Variants in HNRNPU observed in about 807,000 individuals in gnomAD.
The protein encoded by HNRNPU is heterogeneous nuclear ribonucleoprotein U.
HNRNPU carries 5 observed loss-of-function variants against 94.7 expected under a neutral mutation model. That is an observed-to-expected ratio of 0.05 (90% CI 0.03 to 0.11). The LOEUF (loss-of-function observed/expected upper bound fraction) is 0.11. HNRNPU is among the 10% of genes least tolerant of loss of function. The probability of loss-of-function intolerance (pLI) is 1.00; values close to 1 mark genes in which losing one functional copy is unlikely to be tolerated. For missense variants in HNRNPU, 710 were observed against 1,049.2 expected (o/e 0.68, Z 4.47); for synonymous variants, 434 against 381.6 (o/e 1.14, Z -1.60).
At chr1:244,855,738 T>C in intron 11 of HNRNPU, 130 bp from the exon 12 acceptor site, 1 of 1,276,504 alleles carries the variant, frequency 7.8e-7, no homozygotes, top group South Asian at 1.4e-5. Context: ...TGTTTAATTC[T>C]AACCATTAAC....
chr1:244,862,811 TCGA>T, intron 1 of HNRNPU, 81 bp from the exon 2 acceptor site: 2 of 943,968 alleles, frequency 2.1e-6, no homozygotes, highest in Non-Finnish European at 3.5e-6. Flanking sequence ...CCAAAGCAGC[TCGA>T]CTTTATCCTG....
rs1006914248 is a variant in HNRNPU at position 244,852,760 on chromosome 1, TAAAAC to T, written c.*1685_*1689del. Reference sequence around the variant, plus strand: ...TATTTATGATCTGATTTTAAAGGGCTAAAACAAAATTCTAAGCAATCAGAAATATA... The same window carrying T: ...TATTTATGATCTGATTTTAAAGGGCTAAAATTCTAAGCAATCAGAAATATA... On this transcript the variant is annotated 3_prime_UTR_variant, in exon 14 of 14. Coordinates refer to ENST00000640218, the MANE Select transcript of HNRNPU (RefSeq NM_031844.3). 6.6e-6 allele frequency: 1 copy of T among 152,198 alleles called. No homozygotes were observed. The highest frequency in any genetic ancestry group is 1.5e-5 in the Non-Finnish European group (1 of 67,988). 9.4% of individuals were successfully genotyped at this position (152,198 alleles called of 1,614,324 possible).
chr1:244,854,844 C>T (rs901649088), intron 13 of HNRNPU, 129 bp downstream of exon 13: 48 of 752,768 alleles, frequency 6.4e-5, no homozygotes, highest in Non-Finnish European at 7.6e-5. Flanking sequence ...TACTGCAAGA[C>T]GATTCACACT....
Position 244,854,091 on chromosome 1 carries a change from G to A in HNRNPU, c.*359C>T, listed in dbSNP as rs1223551787. 2 of 243,518 alleles carry A rather than the reference G, an allele frequency of 8.2e-6. No homozygotes were observed. Among genetic ancestry groups the A allele is most frequent in the Non-Finnish European group, 1.6e-5 (2 of 125,072 alleles). 15.1% of individuals were successfully genotyped at this position (243,518 alleles called of 1,614,324 possible). A position where few individuals can be genotyped will look rare whatever the true frequency, so the allele number is the denominator to read the frequency against. On this transcript the variant is annotated 3_prime_UTR_variant, in exon 14 of 14. Transcript: ENST00000640218. ...CAATGACTCCCGACTGTTATTCTCT[G>A]TGAGAAATGGGGGGAGTAAATTCTT...
In HNRNPU at chr1:244,854,748, ATATTAAATAAT is replaced by A. The variant is rs1213364279; in HGVS notation, c.2424+214_2424+224del. ...AAAGCTAGCAGTAAAAGAACTGTAT[ATATTAAATAAT>A]ATTACTTTATTAAAAAAATTTAACT... On this transcript the variant is annotated intron_variant, in intron 13 of 13. Coordinates refer to ENST00000640218, the MANE Select transcript of HNRNPU (RefSeq NM_031844.3). 1.8e-5 allele frequency: 9 copies of A among 511,716 alleles called. No individual in the cohort carries two copies. In the East Asian group the frequency reaches 2.7e-4, roughly 16 times the overall value. The allele number at this position is 511,716 out of a possible 1,614,324, so 31.7% of individuals were successfully genotyped here. A position where few individuals can be genotyped will look rare whatever the true frequency, so the allele number is the denominator to read the frequency against.
intron 13 of HNRNPU, 23 bp downstream of exon 13, chr1:244,854,950 A>G: frequency 6.5e-7 from 1 of 1,545,920 alleles, no homozygotes; most frequent in South Asian, 1.1e-5. Flanking sequence ...TAATGTACAT[A>G]AAGCACATAA....
At chr1:244,858,998 T>C (rs1332288830) in intron 5 of HNRNPU, 157 bp from the exon 6 acceptor site, 2 of 597,938 alleles carry the variant, frequency 3.3e-6, no homozygotes, top group Non-Finnish European at 5.9e-6. Flanking sequence ...CCAGAATTGA[T>C]GGAAGTTAGG....
chr1:244,864,044 TTCCTCC>T lies in HNRNPU; in HGVS notation c.258_263del (p.Glu93_Glu94del), dbSNP rs772147656. 20 of 1,609,498 alleles carry T rather than the reference TTCCTCC, an allele frequency of 1.2e-5. No homozygotes were observed. Among genetic ancestry groups the T allele is most frequent in the South Asian group, 4.4e-5 (4 of 90,682 alleles). ...AGATTCCTTCCTCCTCCTCTTCCTC[TTCCTCC>T]TCCTCTTCATCGCCGCCGGCCGCGG... On this transcript the variant is annotated inframe_deletion, in exon 1 of 14. Transcript: ENST00000640218.
intron 8 of HNRNPU, 45 bp from the exon 9 acceptor site, chr1:244,856,901 A>G (rs200243692): frequency 3.2e-4 from 491 of 1,516,362 alleles, no homozygotes; most frequent in Non-Finnish European, 4.1e-4. Flanking sequence ...GTGAATTTTA[A>G]TAAGTTATGC....
chr1:244,863,371 CATAATGGA>C (rs1680899927), intron 1 of HNRNPU, among the ~76,000 whole-genome samples: 1 of 150,376 alleles, frequency 6.6e-6, no homozygotes, highest in Non-Finnish European at 1.5e-5. Flanking sequence ...TCTCGAGCCA[CATAATGGA>C]GGCGCTGCCA....
Position 244,854,522 on chromosome 1 carries a change from T to G in HNRNPU, c.2425-19A>C. 2 of 1,572,264 alleles carry G rather than the reference T, an allele frequency of 1.3e-6. No individual in the cohort carries two copies. The highest frequency in any genetic ancestry group is 1.7e-6 in the Non-Finnish European group (2 of 1,143,178). ...AGAATTGCTGTAAGAGAAAATTTTGTTTTTAAAGAAAAAACATCAATAAGC... is the reference window on the plus strand; with the variant it reads ...AGAATTGCTGTAAGAGAAAATTTTGGTTTTAAAGAAAAAACATCAATAAGC... On this transcript the variant is annotated intron_variant, in intron 13 of 13. Coordinates refer to ENST00000640218, the MANE Select transcript of HNRNPU (RefSeq NM_031844.3).
intron 10 of HNRNPU, 25 bp from the exon 11 acceptor site, chr1:244,856,183 T>C (rs773728521): frequency 2.5e-6 from 4 of 1,582,182 alleles, no homozygotes; most frequent in Non-Finnish European, 3.4e-6. Flanking sequence ...GTCATATTAT[T>C]AATTTAGAAA....
rs994684386 is a variant in HNRNPU, at chr1:244,864,248, G to T, written c.60C>A (p.Leu20=). 6.2e-7 allele frequency: 1 copy of T among 1,613,382 alleles called. No individual in the cohort carries two copies. The highest frequency in any genetic ancestry group is 8.5e-7 in the Non-Finnish European group (1 of 1,179,770). Residue 20 remains leucine (L), a synonymous_variant, in exon 1 of 14, where the codon CTC becomes CTA. Transcript: ENST00000640218. ...KLKVSELKEE[L]KKRRLSDKGL... is the part of the protein sequence containing the mutation. The stretch of plus-strand genomic sequence containing the variant: ...CCTTGTCAGAAAGGCGTCGCTTCTT[G>T]AGCTCCTCTTTCAGCTCCGACACCT...
At chr1:244,856,674 C>T (rs745903392) in intron 9 of HNRNPU, 49 bp from the exon 10 acceptor site, 34 of 1,607,752 alleles carry the variant, frequency 2.1e-5, no homozygotes, top group Middle Eastern at 3.3e-4. Context: ...TAATTCTACA[C>T]CAATCTATCT....
At position 244,863,803 on chromosome 1, in the gene HNRNPU, G is replaced by T; in HGVS notation, c.505C>A (p.Gln169Lys). The change falls in exon 1 of 14, where the codon CAG becomes AAG. Residue 169 changes from glutamine (Q) to lysine (K), a missense_variant. Coordinates refer to ENST00000640218, the MANE Select transcript of HNRNPU (RefSeq NM_031844.3). ...CGCTGCTGTTGGGGCTGTTGCTGCT[G>T]CGTCGCCGGCGGTTGAGGCTGCTGC... Reference protein sequence around the residue: ...GEQQPQPPATQQQQPQQQRGA... With the variant: ...GEQQPQPPATKQQQPQQQRGA... 6.2e-7 allele frequency: 1 copy of T among 1,608,822 alleles called. No homozygotes were observed.
chr1:244,861,588 A>G (rs1680830892), intron 3 of HNRNPU: 3 of 152,228 alleles, frequency 2.0e-5, no homozygotes, highest in South Asian at 4.1e-4. Context: ...TTGTACAAGA[A>G]AACATGAGAA....
rs372228779 is a variant in HNRNPU, at chr1:244,855,583, A to G, written c.2193T>C (p.Asn731=). ...GGAPGNRGGY[N]RRGNMPQRGG... is the part of the protein sequence containing the mutation. Reference sequence around the variant, plus strand: ...CTCTCTGTGGCATGTTGCCCCTCCTATTATATCCGCCACGATTCCCAGGGG... The same window carrying G: ...CTCTCTGTGGCATGTTGCCCCTCCTGTTATATCCGCCACGATTCCCAGGGG... The change falls in exon 12 of 14, where the codon AAT becomes AAC. Residue 731 remains asparagine, a synonymous_variant. Coordinates refer to ENST00000640218, the MANE Select transcript of HNRNPU (RefSeq NM_031844.3). 3.3e-5 allele frequency: 54 copies of G among 1,613,490 alleles called. 1 individual carries two copies. The East Asian group carries it at 4.9e-4, about 15-fold the overall frequency.
rs1436328546 is a variant in HNRNPU, at chr1:244,864,385, G to A, written c.-78C>T. ...CTCGGCCACTGGTGGCGGCTGCTGCGGCTGCTCCTCGGCCCGGGCGGCGGC... is the reference window on the plus strand; with the variant it reads ...CTCGGCCACTGGTGGCGGCTGCTGCAGCTGCTCCTCGGCCCGGGCGGCGGC... On this transcript the variant is annotated 5_prime_UTR_variant, in exon 1 of 14. Transcript: ENST00000640218. The A allele has an allele frequency of 7.6e-6, 12 of 1,585,718 alleles. No homozygotes were observed. Among genetic ancestry groups the A allele is most frequent in the Non-Finnish European group, 1.0e-5 (12 of 1,170,788 alleles).
chr1:244,853,812 A>G lies in HNRNPU; in HGVS notation c.*638T>C, dbSNP rs1324347734. ...GTTTTACATTTTTAACAGCCCTTCTACATACACTCCATCTTCTCTATCTTA... is the reference window on the plus strand; with the variant it reads ...GTTTTACATTTTTAACAGCCCTTCTGCATACACTCCATCTTCTCTATCTTA... On this transcript the variant is annotated 3_prime_UTR_variant, in exon 14 of 14. Transcript: ENST00000640218. 2.6e-5 allele frequency: 4 copies of G among 152,848 alleles called. No individual in the cohort carries two copies. The highest frequency in any genetic ancestry group is 9.6e-5 in the African/African-American group (4 of 41,452). 9.5% of individuals were successfully genotyped at this position (152,848 alleles called of 1,614,324 possible). A position where few individuals can be genotyped will look rare whatever the true frequency, so the allele number is the denominator to read the frequency against.
Sources: gnomAD v4.1 joint callset for allele counts (sites outside exome capture counted in the v4.1 genomes callset) on GRCh38, gnomAD v4.1.1 for gene constraint, MANE v1.5 for transcripts, NCBI Gene and HGNC (gene_info 2026-07-23, HGNC 2026-07-21) for gene names.